ROBO2: variants seen among roughly 807,000 people sequenced by gnomAD.
The protein encoded by ROBO2 is roundabout guidance receptor 2.
ROBO2 carries 53 observed loss-of-function variants against 160.8 expected under a neutral mutation model. The observed-to-expected ratio is 0.33, with a 90% confidence interval of 0.26 to 0.41. The LOEUF (loss-of-function observed/expected upper bound fraction) is 0.41, where lower values mean the gene tolerates loss of function less well. ROBO2 is among the 10% of genes least tolerant of loss of function. ROBO2 has a pLI of 1.00. For missense variants in ROBO2, 1,577 were observed against 1,722.4 expected, an observed-to-expected ratio of 0.92 and a Z score of 1.49; for synonymous variants, 664 against 611.7, an observed-to-expected ratio of 1.09 and a Z score of -1.26.
chr3:76,773,077 C>G (rs533482334), intron 2 of ROBO2, among the ~76,000 whole-genome samples: 1 of 151,180 alleles, frequency 6.6e-6, no homozygotes, highest in South Asian at 2.1e-4. Context: ...AGAAGTCACA[C>G]ATGTACTTGA....
chr3:77,523,065 A>G (rs1443127910), intron 6 of ROBO2, among the ~76,000 whole-genome samples, 163 bp downstream of exon 6: 4 of 151,376 alleles, frequency 2.6e-5, no homozygotes, highest in African/African-American at 9.7e-5. Context: ...AATTACTTTC[A>G]ATATTTGGTT....
At chr3:77,363,167 C>T (rs2070309521) in intron 2 of ROBO2, among the ~76,000 whole-genome samples, 1 of 152,120 alleles carries the variant, frequency 6.6e-6, no homozygotes, top group Non-Finnish European at 1.5e-5. Flanking sequence ...GAAGTCTAAC[C>T]AGATCAAGCA....
intron 2 of ROBO2, among the ~76,000 whole-genome samples, chr3:77,147,695 A>G (rs1226399612): frequency 1.3e-5 from 2 of 152,172 alleles, no homozygotes; most frequent in Admixed American, 1.3e-4. Context: ...TTTTATTATA[A>G]TATTACTGCT....
intron 2 of ROBO2, among the ~76,000 whole-genome samples, chr3:76,216,300 A>G (rs1353625576): frequency 6.6e-6 from 1 of 152,212 alleles, no homozygotes; most frequent in Non-Finnish European, 1.5e-5. Context: ...GATAAAATTC[A>G]CACATAACAA....
At chr3:76,015,229 T>C (rs1447265951) in intron 2 of ROBO2, among the ~76,000 whole-genome samples, 3 of 152,208 alleles carry the variant, frequency 2.0e-5, no homozygotes, top group Admixed American at 6.5e-5. Flanking sequence ...AAACATACCT[T>C]TCTGGAAAGT....
intron 2 of ROBO2, among the ~76,000 whole-genome samples, chr3:76,956,025 GAAC>G (rs972071609): frequency 3.2e-4 from 49 of 151,828 alleles, no homozygotes; most frequent in African/African-American, 1.0e-3. Flanking sequence ...ATACATCCTT[GAAC>G]AACAACAATA....
rs539791728 is a variant in ROBO2, at chr3:77,224,544, G to A, written c.388+126204G>A. Reference sequence around the variant, plus strand: ...GTAATGCTGCAGTGCTATCACAACGGGTATTAATGATCGTTGTATTTATTG... The same window carrying A: ...GTAATGCTGCAGTGCTATCACAACGAGTATTAATGATCGTTGTATTTATTG... On this transcript the variant is annotated intron_variant, in intron 2 of 25. Transcript: ENST00000461745. Among the ~76,000 whole-genome samples the A allele has an allele frequency of 4.1e-4, 62 of 151,868 alleles. 1 individual carries two copies. Among genetic ancestry groups the A allele is most frequent in the African/African-American group, 1.4e-3 (57 of 41,482 alleles).
At chr3:76,388,290 T>TA (rs397874140) in intron 2 of ROBO2, among the ~76,000 whole-genome samples, 1 of 151,512 alleles carries the variant, frequency 6.6e-6, no homozygotes, top group African/African-American at 2.4e-5. Context: ...TTTTTTTTTT[T>TA]AGACGGAGTC....
At chr3:77,194,780 A>G (rs2068492) in intron 2 of ROBO2, among the ~76,000 whole-genome samples, 29,820 of 152,180 alleles carry the variant, frequency 0.2, 3,370 homozygotes, top group Middle Eastern at 0.31. Context: ...AATAGAAAAT[A>G]TAAAATTGCA....
At chr3:77,200,312 T>G in intron 2 of ROBO2, among the ~76,000 whole-genome samples, 1 of 90,716 alleles carries the variant, frequency 1.1e-5, no homozygotes, top group African/African-American at 4.5e-5. Flanking sequence ...TATATATATA[T>G]ATATATATAT....
At chr3:75,932,722 A>G (rs947459682) in intron 1 of ROBO2, among the ~76,000 whole-genome samples, 1 of 152,126 alleles carries the variant, frequency 6.6e-6, no homozygotes, top group Non-Finnish European at 1.5e-5. Context: ...AGTTTTCAGG[A>G]ATCTTAGAGC....
chr3:77,293,430 A>T (rs1271782042), intron 2 of ROBO2, among the ~76,000 whole-genome samples: 1 of 149,056 alleles, frequency 6.7e-6, no homozygotes, highest in Non-Finnish European at 1.5e-5. Context: ...GGGTAAGCTG[A>T]GGCTAGATCA....
rs1157498739 is a variant in ROBO2, at chr3:77,101,599, G to A, written c.388+3259G>A. On this transcript the variant is annotated intron_variant, in intron 2 of 25. Coordinates refer to ENST00000461745, the Ensembl canonical transcript of ROBO2. ...TCAGGGAGCAGTTAATAAGGGCTGA[G>A]TCCAATTCCAGTGCTTAGAACAGTA... Among the ~76,000 whole-genome samples, 3 of 152,144 alleles carry A rather than the reference G, an allele frequency of 2.0e-5. 1 individual carries two copies. The highest frequency in any genetic ancestry group is 4.1e-4 in the South Asian group (2 of 4,828).
chr3:76,568,115 T>G (rs995248036), intron 2 of ROBO2, among the ~76,000 whole-genome samples: 5 of 151,354 alleles, frequency 3.3e-5, no homozygotes, highest in Admixed American at 2.0e-4. Flanking sequence ...GCACCCTGCT[T>G]ACATAAATGT....
chr3:75,973,052 T>C (rs1048498052), intron 2 of ROBO2, among the ~76,000 whole-genome samples: 4 of 151,702 alleles, frequency 2.6e-5, no homozygotes, highest in Admixed American at 6.6e-5. Context: ...TTCTAAATAA[T>C]AACATTTTCC....
intron 2 of ROBO2, among the ~76,000 whole-genome samples, chr3:77,460,563 G>A (rs1233308148): frequency 2.0e-5 from 3 of 152,160 alleles, no homozygotes; most frequent in Non-Finnish European, 1.5e-5. Flanking sequence ...TGGCAAAGTA[G>A]ATGGATGAGT....
At chr3:76,251,482 A>C (rs1705995313) in intron 2 of ROBO2, among the ~76,000 whole-genome samples, 1 of 152,114 alleles carries the variant, frequency 6.6e-6, no homozygotes, top group East Asian at 1.9e-4. Flanking sequence ...TTTGGATTTT[A>C]TAACACTTGG....
At position 76,420,826 on chromosome 3, in the gene ROBO2, A is replaced by G. The variant is rs537339353; in HGVS notation, c.109+483224A>G. On this transcript the variant is annotated intron_variant, in intron 2 of 26. Transcript: ENST00000487694. ...CTGATAGAAGCTATTTTATTTTTCA[A>G]AAATTTGAATTGGAAGTATTTTGTG... is the stretch of plus-strand genomic sequence containing the variant. Among the ~76,000 whole-genome samples, 95 of 152,332 alleles carry G rather than the reference A, an allele frequency of 6.2e-4. 2 individuals carry two copies. Among genetic ancestry groups the G allele is most frequent in the Middle Eastern group, 6.8e-3 (2 of 294 alleles).
intron 2 of ROBO2, among the ~76,000 whole-genome samples, chr3:77,424,500 G>A (rs568143608): frequency 2.0e-5 from 3 of 152,256 alleles, no homozygotes; most frequent in East Asian, 1.9e-4. Flanking sequence ...ATTGAAAAGC[G>A]AGTGATACTT....
Sources: gnomAD v4.1 joint callset for allele counts (sites outside exome capture counted in the v4.1 genomes callset) on GRCh38, gnomAD v4.1.1 for gene constraint, MANE v1.5 for transcripts, NCBI Gene and HGNC (gene_info 2026-07-23, HGNC 2026-07-21) for gene names.